The following CRY1 variants were observed in gnomAD, a reference collection of about 807,000 sequenced individuals.
CRY1 encodes the protein cryptochrome circadian regulator 1, also known as cryptochrome-1.
In CRY1, 45 loss-of-function variants were observed where a neutral mutation model predicts 76.0. The ratio of observed to expected loss-of-function variants is 0.59; its 90% CI spans 0.47 to 0.76. CRY1 has a LOEUF of 0.76. Among genes scored for constraint, CRY1 ranks in the 30% least tolerant of loss-of-function variants. The pLI is 0.00. For missense variants in CRY1, 587 were observed against 716.4 expected (o/e 0.82, Z 2.06); for synonymous variants, 248 against 244.0 (o/e 1.02, Z -0.15).
At chr12:107,052,183 ATACCCAGTG>A (rs55680841) in intron 1 of CRY1, among the ~76,000 whole-genome samples, 46,310 of 151,888 alleles carry the variant, frequency 0.3, 8,275 homozygotes, top group East Asian at 0.44. Flanking sequence ...CTAGAATTCT[ATACCCAGTG>A]TAAATAAGGA....
intron 1 of CRY1, among the ~76,000 whole-genome samples, chr12:107,067,675 C>T (rs1409633597): frequency 1.3e-5 from 2 of 151,948 alleles, no homozygotes; most frequent in Admixed American, 6.6e-5. Flanking sequence ...GAGTAAATAA[C>T]AGTCTATACA....
rs1389134524 is a variant in CRY1, at chr12:107,059,593, A to ATTTAATAAATT, written c.158+33210_158+33211insAATTTATTAAA. 1.5e-3 allele frequency among the ~76,000 whole-genome samples: 222 copies of ATTTAATAAATT among 152,262 alleles called. 1 individual carries two copies. Among genetic ancestry groups the ATTTAATAAATT allele is most frequent in the Non-Finnish European group, 1.8e-3 (122 of 68,012 alleles). ...AAAAAATAATGGACAAGACTTCTAA[A>ATTTAATAAATT]GTCATCTATATACAGCTGTACAATT... On this transcript the variant is annotated intron_variant, in intron 1 of 12. Transcript: ENST00000008527.
At chr12:107,010,770 T>C (rs542019800) in intron 2 of CRY1, among the ~76,000 whole-genome samples, 47 of 152,048 alleles carry the variant, frequency 3.1e-4, no homozygotes, top group South Asian at 1.3e-3. Flanking sequence ...GATGCTACTA[T>C]TGTAATTGTT....
At chr12:107,006,071 T>A (rs1952370736) in intron 2 of CRY1, among the ~76,000 whole-genome samples, 1 of 152,150 alleles carries the variant, frequency 6.6e-6, no homozygotes, top group Admixed American at 6.6e-5. Flanking sequence ...CAAGGGCTAT[T>A]CCAATGGTGG....
chr12:107,009,840 T>A (rs1260127318), intron 2 of CRY1, among the ~76,000 whole-genome samples: 1 of 151,934 alleles, frequency 6.6e-6, no homozygotes, highest in Non-Finnish European at 1.5e-5. Flanking sequence ...TGGCTATACT[T>A]TTAATTTTTT....
rs1952181850 is a variant in CRY1, at chr12:106,991,661, C to A, written c.*341G>T. ...AGTCTAAAAACCTCCTTTTTTCCCA[C>A]TGACTTCAAAACTTTGAGTTTTATA... On this transcript the variant is annotated 3_prime_UTR_variant, in exon 13 of 13. Transcript: ENST00000008527. The A allele has an allele frequency of 6.6e-6, 1 of 152,530 alleles. No homozygotes were observed. Among genetic ancestry groups the A allele is most frequent in the East Asian group, 1.9e-4 (1 of 5,192 alleles). 9.4% of individuals were successfully genotyped at this position (152,530 alleles called of 1,614,324 possible).
chr12:107,080,324 C>A (rs370466007), intron 1 of CRY1, among the ~76,000 whole-genome samples: 12 of 152,104 alleles, frequency 7.9e-5, no homozygotes, highest in African/African-American at 2.9e-4. Flanking sequence ...TATATTCAAG[C>A]AGGCAAATGG....
At chr12:107,000,141 C>G (rs1952289820) in intron 5 of CRY1, 59 bp from the exon 6 acceptor site, 1 of 1,493,910 alleles carries the variant, frequency 6.7e-7, no homozygotes, top group African/African-American at 1.4e-5. Context: ...TAAAAGAACA[C>G]TCAGAATGGA....
intron 1 of CRY1, chr12:107,072,986 A>G (rs972799653): frequency 2.0e-5 from 3 of 152,218 alleles, no homozygotes; most frequent in African/African-American, 7.2e-5. Context: ...ACTGGCCATC[A>G]TTTTGTGGAA....
intron 1 of CRY1, among the ~76,000 whole-genome samples, chr12:107,046,230 T>C (rs1262832958): frequency 6.6e-6 from 1 of 151,290 alleles, no homozygotes; most frequent in East Asian, 1.9e-4. Context: ...GAAGTGGAGG[T>C]TCCAGTGAGC....
At chr12:106,996,372 C>T (rs983344416) in intron 10 of CRY1, among the ~76,000 whole-genome samples, 4 of 152,116 alleles carry the variant, frequency 2.6e-5, no homozygotes, top group South Asian at 4.1e-4. Context: ...AGTCTATCAT[C>T]GACTGGCATT....
intron 5 of CRY1, among the ~76,000 whole-genome samples, chr12:107,000,427 C>T (rs978622858): frequency 1.6e-4 from 25 of 151,902 alleles, no homozygotes. Context: ...TCTCGGCTCA[C>T]TGCAACCTCC....
chr12:107,070,124 T>C (rs971983105), intron 1 of CRY1, among the ~76,000 whole-genome samples: 31 of 152,204 alleles, frequency 2.0e-4, no homozygotes, highest in African/African-American at 6.3e-4. Context: ...AGCAATTCTA[T>C]TGATTTGTAT....
chr12:107,091,038 A>G (rs899554402), intron 1 of CRY1, among the ~76,000 whole-genome samples: 2 of 151,434 alleles, frequency 1.3e-5, no homozygotes, highest in Admixed American at 1.3e-4. Context: ...GCACCAAACT[A>G]TAAGTCCTTT....
At chr12:106,998,148 G>T in intron 7 of CRY1, 82 bp from the exon 8 acceptor site, 1 of 1,492,076 alleles carries the variant, frequency 6.7e-7, no homozygotes, top group Non-Finnish European at 9.1e-7. Context: ...TAGAGCCAAA[G>T]TCAAGGCAAA....
intron 1 of CRY1, among the ~76,000 whole-genome samples, chr12:107,087,560 C>T (rs1429438204): frequency 6.6e-6 from 1 of 152,132 alleles, no homozygotes; most frequent in Non-Finnish European, 1.5e-5. Context: ...CAATTTGTCC[C>T]TTTTAAAATG....
chr12:107,020,565 C>G (rs4964196), intron 2 of CRY1, among the ~76,000 whole-genome samples: 1 of 151,106 alleles, frequency 6.6e-6, no homozygotes, highest in African/African-American at 2.4e-5. Flanking sequence ...AGTGTGGCAC[C>G]TCCCCGCTCC....
At chr12:107,026,111 A>T (rs1274237841) in intron 1 of CRY1, among the ~76,000 whole-genome samples, 2 of 47,280 alleles carry the variant, frequency 4.2e-5, no homozygotes, top group Non-Finnish European at 9.4e-5. Context: ...ATATATATAA[A>T]ATATATATAT....
At chr12:107,085,580 G>A (rs879122397) in intron 1 of CRY1, among the ~76,000 whole-genome samples, 2 of 152,028 alleles carry the variant, frequency 1.3e-5, no homozygotes, top group African/African-American at 2.4e-5. Context: ...ACCAAACATC[G>A]CATGTTCTCC....
Sources: gnomAD v4.1 joint callset for allele counts (sites outside exome capture counted in the v4.1 genomes callset) on GRCh38, gnomAD v4.1.1 for gene constraint, MANE v1.5 for transcripts, NCBI Gene and HGNC (gene_info 2026-07-23, HGNC 2026-07-21) for gene names.